Variants in LAMA3 observed in about 807,000 individuals in gnomAD.
LAMA3 encodes the protein laminin subunit alpha 3.
A neutral mutation model predicts 402.0 loss-of-function variants in LAMA3; 281 were observed. That is an observed-to-expected ratio of 0.70 (90% CI 0.63 to 0.77). LAMA3 has a LOEUF of 0.77. Among genes scored for constraint, LAMA3 ranks in the 30% least tolerant of loss-of-function variants. The pLI is 0.00. For synonymous variants in LAMA3, 1,431 were observed against 1,558.4 expected, an observed-to-expected ratio of 0.92 and a Z score of 1.93; for missense variants, 3,840 against 4,215.5, an observed-to-expected ratio of 0.91 and a Z score of 2.47.
rs769312688 is a variant in LAMA3, at chr18:23,904,713, A to G, written c.6615+19A>G. Reference sequence around the variant, plus strand: ...CCTCCAGGTGGGCACCTGTACCAGCAGCTTCTCCACATTCGCTGTGGAGAT... The same window carrying G: ...CCTCCAGGTGGGCACCTGTACCAGCGGCTTCTCCACATTCGCTGTGGAGAT... On this transcript the variant is annotated intron_variant, in intron 51 of 74. Transcript: ENST00000313654. 65 of 1,613,418 alleles carry G rather than the reference A, an allele frequency of 4.0e-5. No individual in the cohort carries two copies. The highest frequency in any genetic ancestry group is 5.5e-5 in the Non-Finnish European group (65 of 1,179,686).
intron 67 of LAMA3, among the ~76,000 whole-genome samples, chr18:23,937,761 T>C (rs915323027): frequency 1.3e-5 from 2 of 152,330 alleles, no homozygotes; most frequent in East Asian, 1.9e-4. Flanking sequence ...TTGGCTGATA[T>C]AAGTAACTCA....
At chr18:23,900,553 A>G (rs1242190175) in intron 47 of LAMA3, among the ~76,000 whole-genome samples, 1 of 152,256 alleles carries the variant, frequency 6.6e-6, no homozygotes, top group East Asian at 1.9e-4. Context: ...AGGATATACT[A>G]GAAATTAACA....
At chr18:23,909,881 G>T (rs865832487) in intron 55 of LAMA3, among the ~76,000 whole-genome samples, 1 of 152,220 alleles carries the variant, frequency 6.6e-6, no homozygotes, top group Non-Finnish European at 1.5e-5. Context: ...CTACAGGAGA[G>T]TTTTGGAGGG....
intron 2 of LAMA3, among the ~76,000 whole-genome samples, chr18:23,718,534 A>G (rs894897455): frequency 6.6e-6 from 1 of 152,210 alleles, no homozygotes; most frequent in Non-Finnish European, 1.5e-5. Flanking sequence ...CACCCCCAAC[A>G]TCAAGCCCTG....
chr18:23,726,686 C>T (rs1035189455), intron 2 of LAMA3, among the ~76,000 whole-genome samples: 4 of 152,228 alleles, frequency 2.6e-5, no homozygotes, highest in South Asian at 2.1e-4. Flanking sequence ...GACATGATCT[C>T]GGCTCACTAC....
chr18:23,805,234 T>C (rs974283606), intron 12 of LAMA3, among the ~76,000 whole-genome samples: 1 of 152,174 alleles, frequency 6.6e-6, no homozygotes, highest in Non-Finnish European at 1.5e-5. Context: ...CAATTGGAGT[T>C]GCTACCTGGT....
chr18:23,894,368 C>G lies in LAMA3; in HGVS notation c.5461+20C>G. On this transcript the variant is annotated intron_variant, in intron 43 of 74. Coordinates refer to ENST00000313654, the MANE Select transcript of LAMA3 (RefSeq NM_198129.4). ...GTGATGGTGAGAAAAGAAAGCCCCT[C>G]CTCCTCCTTTCCAAGTTGTGGGGTT... The G allele has an allele frequency of 1.2e-6, 2 of 1,605,154 alleles. No homozygotes were observed. Among genetic ancestry groups the G allele is most frequent in the Non-Finnish European group, 1.7e-6 (2 of 1,171,840 alleles).
rs1226872683 is a variant in LAMA3 at position 23,928,246 on chromosome 18, T to G, written c.8295+6T>G. 5.1e-6 allele frequency: 8 copies of G among 1,567,568 alleles called. No individual in the cohort carries two copies. The highest frequency in any genetic ancestry group is 2.2e-5 in the East Asian group (1 of 44,664). On this transcript the variant is annotated splice_donor_region_variant and intron_variant, in intron 63 of 74. Transcript: ENST00000313654. The stretch of plus-strand genomic sequence containing the variant: ...AGTGCTCGGAAGACTGGAAGGTAAG[T>G]GAAAGTTCAGAACCTCGTGAAGGAG...
chr18:23,905,576 G>A lies in LAMA3; in HGVS notation c.6670G>A (p.Asp2224Asn). The stretch of plus-strand genomic sequence containing the variant: ...AGCTAAAACCCTGAGTTCCAACAGT[G>A]ATAAACTGTTAAATGAAGCCAAGAT... ...RKAKTLSSNSDKLLNEAKMTQ... is the reference protein window; with the variant it reads ...RKAKTLSSNSNKLLNEAKMTQ... The change falls in exon 52 of 75, where the codon GAT becomes AAT. Residue 2224 changes from aspartate (D) to asparagine (N), a missense_variant. Transcript: ENST00000313654. 2 of 1,611,774 alleles carry A rather than the reference G, an allele frequency of 1.2e-6. No homozygotes were observed. Among genetic ancestry groups the A allele is most frequent in the African/African-American group, 1.3e-5 (1 of 74,970 alleles).
chr18:23,823,061 A>G (rs2063317745), intron 20 of LAMA3, among the ~76,000 whole-genome samples: 2 of 152,336 alleles, frequency 1.3e-5, no homozygotes, highest in Middle Eastern at 3.4e-3. Context: ...TAGGATCAAA[A>G]TGTACGCCAT....
rs1000969714 is a variant in LAMA3 at position 23,911,348 on chromosome 18, C to T, written c.7159-1363C>T. ...GAGTTAAATCTCATTCTTTTGTATT[C>T]GATCGTTAGGAAATATTTATCTTCT... On this transcript the variant is annotated intron_variant, in intron 55 of 74. Coordinates refer to ENST00000313654, the MANE Select transcript of LAMA3 (RefSeq NM_198129.4). Among the ~76,000 whole-genome samples the T allele has an allele frequency of 7.9e-5, 12 of 152,122 alleles. No homozygotes were observed. The East Asian group carries it at 9.6e-4, about 12-fold the overall frequency.
intron 12 of LAMA3, among the ~76,000 whole-genome samples, chr18:23,798,511 A>G (rs912840946): frequency 1.3e-5 from 2 of 152,236 alleles, no homozygotes; most frequent in Non-Finnish European, 2.9e-5. Context: ...GAATGGTGCC[A>G]GGGAAGGTTT....
intron 6 of LAMA3, among the ~76,000 whole-genome samples, chr18:23,755,504 T>C (rs1028904966): frequency 6.6e-6 from 1 of 152,182 alleles, no homozygotes; most frequent in African/African-American, 2.4e-5. Flanking sequence ...AGAAATCTTA[T>C]AACAATTTAA....
At chr18:23,737,828 T>C (rs1420602154) in intron 2 of LAMA3, among the ~76,000 whole-genome samples, 1 of 152,208 alleles carries the variant, frequency 6.6e-6, no homozygotes, top group Non-Finnish European at 1.5e-5. Flanking sequence ...TAATCACTCT[T>C]GTGAGGAGTG....
intron 9 of LAMA3, among the ~76,000 whole-genome samples, chr18:23,774,952 G>A (rs1170424135): frequency 6.6e-6 from 1 of 152,220 alleles, no homozygotes; most frequent in Non-Finnish European, 1.5e-5. Context: ...CTCATTAGGA[G>A]CCTCACTGTT....
intron 23 of LAMA3, among the ~76,000 whole-genome samples, chr18:23,827,676 T>A (rs2063410761): frequency 6.6e-6 from 1 of 152,194 alleles, no homozygotes; most frequent in Non-Finnish European, 1.5e-5. Context: ...CTTTGAGCAC[T>A]TTCTAGACAT....
In LAMA3 at chr18:23,790,460, A is replaced by G. The variant is rs372804561; in HGVS notation, c.1603+6303A>G. On this transcript the variant is annotated intron_variant, in intron 12 of 74. Coordinates refer to ENST00000313654, the MANE Select transcript of LAMA3 (RefSeq NM_198129.4). ...GGTTATAATGTAAAATGTATTTTTT[A>G]CTGTGAACATGGCCAAAAAGTTTGG... Among the ~76,000 whole-genome samples the G allele has an allele frequency of 3.9e-5, 6 of 152,340 alleles. No individual in the cohort carries two copies. In the South Asian group the frequency reaches 8.3e-4, roughly 21 times the overall value.
chr18:23,781,195 T>C, intron 11 of LAMA3: 1 of 422,098 alleles, frequency 2.4e-6, no homozygotes, highest in South Asian at 1.7e-5. Flanking sequence ...ACGCCAAGAC[T>C]GTAATTCACG....
Position 23,749,477 on chromosome 18 carries a change from T to C in LAMA3, c.615T>C (p.Ala205=). ...LKEFGREANM[A]VTRDDDVLCV... is the part of the protein sequence containing the mutation. The stretch of plus-strand genomic sequence containing the variant: ...AATTTGGGCGGGAGGCAAATATGGC[T>C]GTCACCCGGGATGATGATGTACTTT... The change falls in exon 4 of 75, where the codon GCT becomes GCC. Residue 205 remains alanine, a synonymous_variant. Transcript: ENST00000313654. 1.2e-6 allele frequency: 2 copies of C among 1,613,296 alleles called. No individual in the cohort carries two copies. Among genetic ancestry groups the C allele is most frequent in the South Asian group, 1.1e-5 (1 of 91,064 alleles).
Sources: gnomAD v4.1 joint callset for allele counts (sites outside exome capture counted in the v4.1 genomes callset) on GRCh38, gnomAD v4.1.1 for gene constraint, MANE v1.5 for transcripts, NCBI Gene and HGNC (gene_info 2026-07-23, HGNC 2026-07-21) for gene names.